NFASC: variants seen among roughly 807,000 people sequenced by gnomAD.
NFASC encodes neurofascin homolog.
NFASC carries 43 observed loss-of-function variants against 147.5 expected under a neutral mutation model. That is an observed-to-expected ratio of 0.29 (90% CI 0.23 to 0.38). The LOEUF is 0.38. Among genes scored for constraint, NFASC ranks in the 10% least tolerant of loss-of-function variants. The pLI is 1.00. For synonymous variants in NFASC, 622 were observed against 665.5 expected, an observed-to-expected ratio of 0.93 and a Z score of 1.01; for missense variants, 1,320 against 1,689.0, an observed-to-expected ratio of 0.78 and a Z score of 3.83.
At chr1:204,836,138 A>G (rs1673719692) in intron 1 of NFASC, among the ~76,000 whole-genome samples, 1 of 151,878 alleles carries the variant, frequency 6.6e-6, no homozygotes, top group African/African-American at 2.4e-5. Context: ...GTGTATTGGG[A>G]TATGTGTGTG....
intron 2 of NFASC, among the ~76,000 whole-genome samples, chr1:204,926,293 G>A (rs1385460870): frequency 6.8e-6 from 1 of 147,736 alleles, no homozygotes; most frequent in Non-Finnish European, 1.5e-5. Flanking sequence ...GAAACTGTAT[G>A]TGTAAATTTA....
Position 204,966,615 on chromosome 1 carries a change from C to A in NFASC, c.707-1634C>A, listed in dbSNP as rs968292295. Among the ~76,000 whole-genome samples the A allele has an allele frequency of 2.6e-5, 4 of 152,174 alleles. No homozygotes were observed. The South Asian group carries it at 6.2e-4, about 24-fold the overall frequency. Reference sequence around the variant, plus strand: ...ATAGACATAGATGATAACCAATTAACCACATAATGGATTAACCCCTTCAGT... The same window carrying A: ...ATAGACATAGATGATAACCAATTAAACACATAATGGATTAACCCCTTCAGT... On this transcript the variant is annotated intron_variant, in intron 8 of 29. Transcript: ENST00000339876.
chr1:205,007,335 G>A (rs751734771), intron 27 of NFASC, among the ~76,000 whole-genome samples: 3 of 150,536 alleles, frequency 2.0e-5, no homozygotes, highest in Non-Finnish European at 4.4e-5. Flanking sequence ...GATTGAGGTT[G>A]CAGTGAGCTA....
chr1:204,975,525 T>C lies in NFASC; in HGVS notation c.1706+107T>C. The C allele has an allele frequency of 7.0e-7, 1 of 1,433,218 alleles. No homozygotes were observed. Among genetic ancestry groups the C allele is most frequent in the Non-Finnish European group, 9.6e-7 (1 of 1,041,076 alleles). 88.8% of individuals were successfully genotyped at this position (1,433,218 alleles called of 1,614,324 possible). On this transcript the variant is annotated intron_variant, in intron 15 of 29. Transcript: ENST00000339876. This position sits in a 1 kb window ranked among gnomAD's most constrained non-coding sequence, Gnocchi z 4.0. ...ACACAGGGACAGGGAACCCGTGTCA[T>C]GCATGTCACCAAGGAGCTTCTGCAG...
At chr1:204,901,452 T>G (rs1442964135) in intron 1 of NFASC, among the ~76,000 whole-genome samples, 3 of 152,030 alleles carry the variant, frequency 2.0e-5, no homozygotes, top group African/African-American at 7.2e-5. Context: ...GAGGATGGAG[T>G]GCTCGCTTGT....
intron 1 of NFASC, among the ~76,000 whole-genome samples, chr1:204,832,118 G>A (rs1672365717): frequency 6.6e-6 from 1 of 152,190 alleles, no homozygotes; most frequent in African/African-American, 2.4e-5. Flanking sequence ...CCAGCTTGAA[G>A]GGCTAGAGGG....
At chr1:204,881,589 C>A (rs577384475) in intron 1 of NFASC, among the ~76,000 whole-genome samples, 1 of 152,002 alleles carries the variant, frequency 6.6e-6, no homozygotes, top group Non-Finnish European at 1.5e-5. Context: ...TGGTATGAGA[C>A]GGGAGACACA....
intron 8 of NFASC, among the ~76,000 whole-genome samples, chr1:204,965,815 G>T (rs1022760203): frequency 1.3e-5 from 2 of 152,204 alleles, no homozygotes; most frequent in Admixed American, 6.5e-5. Context: ...AGACAGAGAG[G>T]CAATGTAGAG....
chr1:204,934,809 G>A (rs1252560568), intron 2 of NFASC, among the ~76,000 whole-genome samples: 1 of 152,234 alleles, frequency 6.6e-6, no homozygotes, highest in East Asian at 1.9e-4. Flanking sequence ...TCAGGGCCCA[G>A]CCCTGGAATT....
At position 205,010,479 on chromosome 1, in the gene NFASC, C is replaced by T. The variant is rs2096232845; in HGVS notation, c.3421+791C>T. 6.6e-6 allele frequency: 1 copy of T among 152,222 alleles called. No individual in the cohort carries two copies. Among genetic ancestry groups the T allele is most frequent in the South Asian group, 2.1e-4 (1 of 4,830 alleles). 9.4% of individuals were successfully genotyped at this position (152,222 alleles called of 1,614,324 possible). ...TGGTGGCAGGTGTCGGAGGTCCCAG[C>T]TATTCAACAGGCTGAGGTGGGAGGA... On this transcript the variant is annotated intron_variant, in intron 28 of 29. Transcript: ENST00000339876. This position sits in a 1 kb window ranked among gnomAD's most constrained non-coding sequence, Gnocchi z 4.1.
Position 204,944,347 on chromosome 1 carries a change from A to G in NFASC, c.32A>G (p.His11Arg), listed in dbSNP as rs2093565835. MARQPPPPWV[H>R]AAFLLCLLSL... ...AGGCAGCCACCGCCGCCCTGGGTCC[A>G]TGCAGCCTTCCTCCTCTGCCTCCTC... The change falls in exon 3 of 30, where the codon CAT becomes CGT. Residue 11 changes from histidine to arginine, a missense_variant. Transcript: ENST00000339876. The G allele has an allele frequency of 6.2e-7, 1 of 1,613,718 alleles. No individual in the cohort carries two copies. Among genetic ancestry groups the G allele is most frequent in the East Asian group, 2.2e-5 (1 of 44,852 alleles).
At chr1:204,861,970 G>T (rs1443609918) in intron 1 of NFASC, among the ~76,000 whole-genome samples, 1 of 152,158 alleles carries the variant, frequency 6.6e-6, no homozygotes, top group Admixed American at 6.5e-5. Context: ...ATTAACAATG[G>T]GGTGATTTCT....
chr1:204,936,204 C>CTTT (rs71147722), intron 2 of NFASC, among the ~76,000 whole-genome samples: 1 of 121,870 alleles, frequency 8.2e-6, no homozygotes. Flanking sequence ...CTTTCTTTTT[C>CTTT]TTTTTTTTTT....
At chr1:204,885,555 G>C (rs928408435) in intron 1 of NFASC, among the ~76,000 whole-genome samples, 1 of 152,208 alleles carries the variant, frequency 6.6e-6, no homozygotes, top group East Asian at 1.9e-4. Context: ...CAGGGCTGGT[G>C]CCAAAATATT....
intron 1 of NFASC, among the ~76,000 whole-genome samples, chr1:204,830,033 G>GTA (rs1260503052): frequency 6.7e-6 from 1 of 150,226 alleles, no homozygotes; most frequent in African/African-American, 2.4e-5. Flanking sequence ...GTGTGTGTGT[G>GTA]TGTGTGTGTG....
chr1:204,942,972 C>T (rs3911100), intron 2 of NFASC, among the ~76,000 whole-genome samples: 39,030 of 152,048 alleles, frequency 0.26, 5,197 homozygotes, highest in Non-Finnish European at 0.29. Flanking sequence ...CTCTCGCCCC[C>T]TCAGAGAGCA....
chr1:205,007,695 C>G (rs1325013594), intron 27 of NFASC, among the ~76,000 whole-genome samples: 3 of 152,090 alleles, frequency 2.0e-5, no homozygotes, highest in Non-Finnish European at 2.9e-5. Context: ...GAAAAAGCAG[C>G]AGATGCAAAG....
At chr1:204,948,736 T>G (rs2093942216) in intron 3 of NFASC, 1 of 518,600 alleles carries the variant, frequency 1.9e-6, no homozygotes, top group Non-Finnish European at 3.9e-6. Context: ...CTCTTTCCAT[T>G]GAGTCAGCCT....
intron 7 of NFASC, 50 bp downstream of exon 7, chr1:204,955,001 GGGGT>G: frequency 6.2e-7 from 1 of 1,603,778 alleles, no homozygotes; most frequent in Non-Finnish European, 8.5e-7. Context: ...CTTAGGGGGT[GGGGT>G]GGGTGTGTTA....
Sources: gnomAD v4.1 joint callset for allele counts (sites outside exome capture counted in the v4.1 genomes callset) on GRCh38, gnomAD v4.1.1 for gene constraint, Gnocchi (gnomAD v3.1) non-coding constraint, MANE v1.5 for transcripts, NCBI Gene and HGNC (gene_info 2026-07-23, HGNC 2026-07-21) for gene names.